Variants in VPS13B observed in about 807,000 individuals in gnomAD.
VPS13B encodes the protein intermembrane lipid transfer protein VPS13B.
VPS13B carries 285 observed loss-of-function variants against 426.4 expected under a neutral mutation model. The ratio of observed to expected loss-of-function variants is 0.67; its 90% CI spans 0.61 to 0.74. VPS13B has a LOEUF of 0.74. Ranked by LOEUF, VPS13B falls within the 30% of genes least tolerant of loss-of-function variation. The probability of loss-of-function intolerance (pLI) is 0.00; values close to 1 mark genes in which losing one functional copy is unlikely to be tolerated. For synonymous variants in VPS13B, 1,676 were observed against 1,676.4 expected, an observed-to-expected ratio of 1.00 and a Z score of 0.01; for missense variants, 4,537 against 4,782.6, an observed-to-expected ratio of 0.95 and a Z score of 1.51.
Position 99,877,138 on chromosome 8 carries a change from G to C in VPS13B, c.*1472G>C, listed in dbSNP as rs1308241711. ...CACCTCCCAAACTGCTGGGATTACA[G>C]GTGTGAGCCACCATGCCCAACACCC... On this transcript the variant is annotated 3_prime_UTR_variant, in exon 62 of 62. Coordinates refer to ENST00000357162, the MANE Select transcript of VPS13B (RefSeq NM_152564.5). 1 of 152,204 alleles carries C rather than the reference G, an allele frequency of 6.6e-6. No homozygotes were observed. Among genetic ancestry groups the C allele is most frequent in the Non-Finnish European group, 1.5e-5 (1 of 68,060 alleles). The allele number at this position is 152,204 out of a possible 1,614,324, so 9.4% of individuals were successfully genotyped here.
chr8:99,443,547 T>A (rs1194512259), intron 23 of VPS13B, among the ~76,000 whole-genome samples: 1 of 152,202 alleles, frequency 6.6e-6, no homozygotes, highest in Non-Finnish European at 1.5e-5. Context: ...CATACAATTA[T>A]AGAATTTTAA....
chr8:99,827,489 T>G (rs1254636230), intron 51 of VPS13B, among the ~76,000 whole-genome samples: 1 of 151,666 alleles, frequency 6.6e-6, no homozygotes, highest in African/African-American at 2.4e-5. Context: ...GCCAGCAGTC[T>G]TATCTATTTT....
rs767536787 is a variant in VPS13B, at chr8:99,817,552, G to A, written c.8110G>A (p.Gly2704Arg). The stretch of plus-strand genomic sequence containing the variant: ...AACTGTCTTTTAGATTATCATCTGT[G>A]GAAGACAGATCATCTGTAGTTACTT... ...NGVQKQIIICGRQIICSYLSQ... is the reference protein window; with the variant it reads ...NGVQKQIIICRRQIICSYLSQ... Residue 2704 changes from glycine to arginine, a missense_variant, in exon 45 of 62, where the codon GGA becomes AGA. Physicochemically the swap from Gly to Arg is moderately radical, Grantham distance 125. This residue lies in a region of VPS13B where 4,311 missense variants were observed against 4,474.3 expected (regional missense o/e 0.96). Coordinates refer to ENST00000357162, the MANE Select transcript of VPS13B (RefSeq NM_152564.5). 1.2e-6 allele frequency: 2 copies of A among 1,613,888 alleles called. No individual in the cohort carries two copies. Among genetic ancestry groups the A allele is most frequent in the Non-Finnish European group, 1.7e-6 (2 of 1,179,916 alleles).
chr8:99,273,140 G>T (rs1383368721), intron 17 of VPS13B, among the ~76,000 whole-genome samples: 2 of 150,250 alleles, frequency 1.3e-5, no homozygotes, highest in East Asian at 1.9e-4. Flanking sequence ...ATATTTCAGA[G>T]AATTTGTTTA....
chr8:99,601,306 A>C (rs1238020202), intron 33 of VPS13B, among the ~76,000 whole-genome samples: 1 of 152,164 alleles, frequency 6.6e-6, no homozygotes, highest in Non-Finnish European at 1.5e-5. Context: ...ACCTTCGTTC[A>C]TGTCCCTGCA....
intron 24 of VPS13B, among the ~76,000 whole-genome samples, chr8:99,477,578 A>G (rs749521815): frequency 1.8e-4 from 27 of 152,308 alleles, no homozygotes; most frequent in Admixed American, 5.9e-4. Context: ...TCCTACTTAA[A>G]TACCTTTCTT....
intron 19 of VPS13B, among the ~76,000 whole-genome samples, chr8:99,333,193 G>T (rs1026368851): frequency 1.3e-5 from 2 of 151,596 alleles, no homozygotes; most frequent in African/African-American, 4.8e-5. Flanking sequence ...TTTTAAAATT[G>T]TTTTTATCTG....
At chr8:99,352,368 T>TA (rs1811935774) in intron 19 of VPS13B, among the ~76,000 whole-genome samples, 1 of 152,230 alleles carries the variant, frequency 6.6e-6, no homozygotes, top group African/African-American at 2.4e-5. Flanking sequence ...ACTTTGTTCC[T>TA]AGTCTGTTTT....
At chr8:99,516,689 G>A (rs1035025572) in intron 29 of VPS13B, among the ~76,000 whole-genome samples, 1 of 148,174 alleles carries the variant, frequency 6.7e-6, no homozygotes, top group Non-Finnish European at 1.5e-5. Flanking sequence ...TCAGGAGGCT[G>A]AGGTGGGAGA....
chr8:99,130,098 T>C (rs186641356), intron 8 of VPS13B, among the ~76,000 whole-genome samples: 8 of 152,316 alleles, frequency 5.3e-5, no homozygotes, highest in Admixed American at 3.9e-4. Context: ...TGGGCAGTAT[T>C]TGTCAATAGT....
intron 39 of VPS13B, among the ~76,000 whole-genome samples, chr8:99,734,836 T>C (rs188578544): frequency 1.2e-3 from 189 of 152,252 alleles, no homozygotes; most frequent in African/African-American, 4.3e-3. Context: ...CAGATTTCAA[T>C]GCCCGGATGT....
intron 22 of VPS13B, among the ~76,000 whole-genome samples, chr8:99,439,671 T>C (rs189800591): frequency 6.6e-6 from 1 of 152,156 alleles, no homozygotes; most frequent in East Asian, 1.9e-4. Context: ...AGGAAATAGT[T>C]ATGTTATTGA....
At chr8:99,526,667 G>T (rs1282333902) in intron 30 of VPS13B, among the ~76,000 whole-genome samples, 1 of 152,206 alleles carries the variant, frequency 6.6e-6, no homozygotes, top group Non-Finnish European at 1.5e-5. Flanking sequence ...GATTGGGTGG[G>T]TGGAGATTAG....
At chr8:99,253,402 A>C (rs1184575202) in intron 17 of VPS13B, among the ~76,000 whole-genome samples, 1 of 152,112 alleles carries the variant, frequency 6.6e-6, no homozygotes, top group African/African-American at 2.4e-5. Context: ...GTAACTGCCA[A>C]ATTGTTTTCC....
At chr8:99,110,476 C>T (rs1847302513) in intron 5 of VPS13B, among the ~76,000 whole-genome samples, 1 of 151,986 alleles carries the variant, frequency 6.6e-6, no homozygotes, top group South Asian at 2.1e-4. Flanking sequence ...GTCCACTAGA[C>T]CTTTCTGTGA....
chr8:99,558,531 G>A (rs1028663713), intron 31 of VPS13B, among the ~76,000 whole-genome samples: 5 of 152,026 alleles, frequency 3.3e-5, no homozygotes, highest in African/African-American at 1.2e-4. Context: ...TTTACGTTAG[G>A]TATTTCTCCT....
chr8:99,473,503 G>A (rs1023719326), intron 24 of VPS13B, among the ~76,000 whole-genome samples: 1 of 152,024 alleles, frequency 6.6e-6, no homozygotes, highest in African/African-American at 2.4e-5. Context: ...TTACAAGTAG[G>A]AGGTAACATT....
chr8:99,197,091 T>C (rs1563596858), intron 17 of VPS13B, among the ~76,000 whole-genome samples: 1 of 152,246 alleles, frequency 6.6e-6, no homozygotes, highest in Non-Finnish European at 1.5e-5. Flanking sequence ...GATATGACTT[T>C]TGTCCTTTAT....
chr8:99,495,627 G>A (rs1040729774), intron 25 of VPS13B, among the ~76,000 whole-genome samples: 1 of 152,148 alleles, frequency 6.6e-6, no homozygotes, highest in African/African-American at 2.4e-5. Context: ...GCTGCCTCTA[G>A]CCTGGGACCC....
Sources: allele counts gnomAD v4.1 joint callset (sites outside exome capture counted in the v4.1 genomes callset), GRCh38; gene constraint gnomAD v4.1.1; regional missense constraint gnomAD v4.1.1; transcripts MANE v1.5; gene names NCBI Gene and HGNC (gene_info 2026-07-23, HGNC 2026-07-21).